ATXN1: variants seen among roughly 807,000 people sequenced by gnomAD.
ATXN1 encodes ataxin 1, also known as ataxin-1.
In ATXN1, 8 loss-of-function variants were observed where a neutral mutation model predicts 56.4. The observed-to-expected ratio is 0.14, with a 90% CI of 0.08 to 0.26. ATXN1 has a LOEUF of 0.26. ATXN1 is among the 10% of genes least tolerant of loss of function. The probability of loss-of-function intolerance (pLI) is 1.00; values close to 1 mark genes in which losing one functional copy is unlikely to be tolerated. For synonymous variants in ATXN1, 514 were observed against 494.6 expected (o/e 1.04, Z -0.52); for missense variants, 987 against 1,106.5 (o/e 0.89, Z 1.53).
At chr6:16,378,836 A>G (rs562136121) in intron 6 of ATXN1, among the ~76,000 whole-genome samples, 3 of 152,312 alleles carry the variant, frequency 2.0e-5, no homozygotes, top group Non-Finnish European at 4.4e-5. Context: ...CTGGGAGTAT[A>G]GGCATGAGCA....
At chr6:16,433,555 A>C (rs1759330062) in intron 6 of ATXN1, among the ~76,000 whole-genome samples, 1 of 152,126 alleles carries the variant, frequency 6.6e-6, no homozygotes, top group African/African-American at 2.4e-5. Context: ...AGCCCAGAGG[A>C]AGTTGTGATA....
intron 3 of ATXN1, among the ~76,000 whole-genome samples, chr6:16,596,643 G>A (rs561671731): frequency 1.8e-4 from 28 of 152,162 alleles, no homozygotes; most frequent in Non-Finnish European, 2.8e-4. Context: ...AGTCCTTAAT[G>A]AGGGACCAAT....
chr6:16,760,333 T>G lies in ATXN1; in HGVS notation c.-730+965A>C, dbSNP rs1169351800. Reference sequence around the variant, plus strand: ...TTCACTCCCGGCTCAGGGCAGCGCCTGCCGCGGCTCCTCGTCTCCTGCCGC... The same window carrying G: ...TTCACTCCCGGCTCAGGGCAGCGCCGGCCGCGGCTCCTCGTCTCCTGCCGC... On this transcript the variant is annotated intron_variant, in intron 1 of 7. Transcript: ENST00000436367. The surrounding 1 kb of genome is among the most constrained non-coding windows in gnomAD (Gnocchi z 5.3). Among the ~76,000 whole-genome samples, 2 of 151,766 alleles carry G rather than the reference T, an allele frequency of 1.3e-5. No homozygotes were observed. Among genetic ancestry groups the G allele is most frequent in the Admixed American group, 6.6e-5 (1 of 15,250 alleles).
intron 2 of ATXN1, among the ~76,000 whole-genome samples, chr6:16,702,247 T>A (rs1443551157): frequency 6.6e-6 from 1 of 152,188 alleles, no homozygotes; most frequent in Non-Finnish European, 1.5e-5. Context: ...GGATTCCCTA[T>A]TTAATAAATG....
chr6:16,440,858 T>A (rs966470773), intron 6 of ATXN1, among the ~76,000 whole-genome samples: 1 of 152,028 alleles, frequency 6.6e-6, no homozygotes, highest in African/African-American at 2.4e-5. Context: ...GAGGTTACTG[T>A]GTAGTCCATA....
At chr6:16,740,493 G>A (rs1760300681) in intron 2 of ATXN1, among the ~76,000 whole-genome samples, 1 of 152,082 alleles carries the variant, frequency 6.6e-6, no homozygotes, top group African/African-American at 2.4e-5. Flanking sequence ...CAGAGCAGAT[G>A]ACATTAAATT....
chr6:16,590,668 ATTCT>A (rs958399018), intron 3 of ATXN1, among the ~76,000 whole-genome samples: 2 of 150,752 alleles, frequency 1.3e-5, no homozygotes, highest in South Asian at 2.1e-4. Context: ...AATTCATAAC[ATTCT>A]TTTTTTTTTT....
chr6:16,347,098 G>A (rs1475985470), intron 6 of ATXN1, among the ~76,000 whole-genome samples: 1 of 152,232 alleles, frequency 6.6e-6, no homozygotes, highest in Admixed American at 6.5e-5. Context: ...GGGACCTGCA[G>A]CCCGCCATGC....
chr6:16,418,839 T>C (rs796855327), intron 6 of ATXN1, among the ~76,000 whole-genome samples: 3 of 151,804 alleles, frequency 2.0e-5, no homozygotes, highest in Admixed American at 6.6e-5. Context: ...ATGGTAACAA[T>C]TTGTTATAAA....
chr6:16,310,839 A>C (rs1760372160), intron 7 of ATXN1, among the ~76,000 whole-genome samples: 1 of 152,192 alleles, frequency 6.6e-6, no homozygotes, highest in Non-Finnish European at 1.5e-5. Flanking sequence ...TGCATAATTG[A>C]AGTACCAAAA....
At chr6:16,318,947 T>G (rs1299243065) in intron 7 of ATXN1, among the ~76,000 whole-genome samples, 1 of 152,074 alleles carries the variant, frequency 6.6e-6, no homozygotes, top group Admixed American at 6.6e-5. Context: ...CAGGGAAGGG[T>G]GGCTCATCCC....
intron 4 of ATXN1, among the ~76,000 whole-genome samples, chr6:16,532,656 C>G (rs1203595626): frequency 2.0e-5 from 3 of 151,948 alleles, no homozygotes; most frequent in Admixed American, 2.0e-4. Flanking sequence ...AAATCAAAAC[C>G]ACAATGACAT....
At chr6:16,602,328 T>G (rs1205851290) in intron 3 of ATXN1, among the ~76,000 whole-genome samples, 1 of 152,202 alleles carries the variant, frequency 6.6e-6, no homozygotes, top group Non-Finnish European at 1.5e-5. Context: ...TCAGTCACTG[T>G]TTTTGCTCCG....
chr6:16,368,336 T>A (rs1022594765), intron 6 of ATXN1, among the ~76,000 whole-genome samples: 5 of 129,880 alleles, frequency 3.8e-5, no homozygotes, highest in South Asian at 2.2e-4. Context: ...TGGCTTGACT[T>A]CTTCTTCTTT....
intron 4 of ATXN1, among the ~76,000 whole-genome samples, chr6:16,536,132 G>A (rs1414352273): frequency 6.6e-6 from 1 of 152,104 alleles, no homozygotes; most frequent in Non-Finnish European, 1.5e-5. Context: ...TGGGAGGATT[G>A]CTTAAGCCCC....
chr6:16,588,986 C>T (rs1762675987), intron 3 of ATXN1, among the ~76,000 whole-genome samples: 1 of 152,168 alleles, frequency 6.6e-6, no homozygotes, highest in Non-Finnish European at 1.5e-5. Context: ...TCCTGCTGCA[C>T]TTGACCCTCA....
At position 16,506,196 on chromosome 6, in the gene ATXN1, G is replaced by A. The variant is rs1012082991; in HGVS notation, c.-299+16431C>T. Among the ~76,000 whole-genome samples the A allele has an allele frequency of 3.9e-5, 6 of 152,140 alleles. No individual in the cohort carries two copies. Among genetic ancestry groups the A allele is most frequent in the South Asian group, 4.1e-4 (2 of 4,830 alleles). ...GGTAGCACAGAAGTTTGGCCTTTTC[G>A]CTGGTGATTTATTTCCATTTGTTCA... is the stretch of plus-strand genomic sequence containing the variant. On this transcript the variant is annotated intron_variant, in intron 5 of 7. Coordinates refer to ENST00000436367, the MANE Select transcript of ATXN1 (RefSeq NM_001128164.2). This position sits in a 1 kb window ranked among gnomAD's most constrained non-coding sequence, Gnocchi z 4.1.
chr6:16,715,192 A>C (rs1040671701), intron 2 of ATXN1, among the ~76,000 whole-genome samples: 4 of 152,198 alleles, frequency 2.6e-5, no homozygotes, highest in African/African-American at 9.7e-5. Context: ...TCATTACAAT[A>C]GCTTCTATTT....
At chr6:16,658,847 CA>C (rs1383650594) in intron 2 of ATXN1, among the ~76,000 whole-genome samples, 1 of 152,150 alleles carries the variant, frequency 6.6e-6, no homozygotes. Flanking sequence ...GTATGGTGGC[CA>C]CATCATACTT....
Sources: allele counts gnomAD v4.1 joint callset (sites outside exome capture counted in the v4.1 genomes callset), GRCh38; gene constraint gnomAD v4.1.1; non-coding constraint Gnocchi (gnomAD v3.1); transcripts MANE v1.5; gene names NCBI Gene and HGNC (gene_info 2026-07-23, HGNC 2026-07-21).